CDC42BPA: variants seen among roughly 807,000 people sequenced by gnomAD.
CDC42BPA encodes CDC42 binding protein kinase alpha.
A neutral mutation model predicts 223.5 loss-of-function variants in CDC42BPA; 80 were observed. The ratio of observed to expected loss-of-function variants is 0.36; its 90% CI spans 0.30 to 0.43. CDC42BPA has a LOEUF of 0.43. Among genes scored for constraint, CDC42BPA ranks in the 20% least tolerant of loss-of-function variants. CDC42BPA has a pLI of 1.00. For missense variants in CDC42BPA, 1,743 were observed against 2,099.9 expected (o/e 0.83, Z 3.32); for synonymous variants, 694 against 718.6 (o/e 0.97, Z 0.55).
intron 2 of CDC42BPA, among the ~76,000 whole-genome samples, chr1:227,231,751 T>C (rs1253178774): frequency 6.6e-6 from 1 of 152,138 alleles, no homozygotes; most frequent in African/African-American, 2.4e-5. Context: ...TGAGCATTTT[T>C]TCATGTGTCT....
At chr1:227,120,551 T>G (rs570658861) in intron 11 of CDC42BPA, among the ~76,000 whole-genome samples, 10 of 152,344 alleles carry the variant, frequency 6.6e-5, no homozygotes, top group African/African-American at 2.4e-4. Context: ...CAGGAAATCT[T>G]GCACTGACTT....
At chr1:227,154,320 A>AAGCTAC (rs1662330423) in intron 6 of CDC42BPA, among the ~76,000 whole-genome samples, 1 of 151,960 alleles carries the variant, frequency 6.6e-6, no homozygotes, top group Non-Finnish European at 1.5e-5. Context: ...AATTAATTTG[A>AAGCTAC]AGCTACAGAA....
intron 15 of CDC42BPA, among the ~76,000 whole-genome samples, chr1:227,099,665 G>A (rs1684643496): frequency 6.6e-6 from 1 of 151,888 alleles, no homozygotes; most frequent in South Asian, 2.1e-4. Flanking sequence ...GAGCCACAAT[G>A]GCCTCCTCAC....
At chr1:227,047,594 G>GT (rs74577704) in intron 23 of CDC42BPA, among the ~76,000 whole-genome samples, 10,518 of 152,040 alleles carry the variant, frequency 0.069, 556 homozygotes, top group East Asian at 0.25. Context: ...TTCACTAAAC[G>GT]TTTTTCTTTC....
intron 1 of CDC42BPA, among the ~76,000 whole-genome samples, chr1:227,269,293 G>A (rs1174027347): frequency 7.2e-5 from 11 of 152,166 alleles, no homozygotes; most frequent in Admixed American, 6.5e-4. Flanking sequence ...CTCAGATATA[G>A]GTATTTTAAA....
At chr1:227,206,354 C>CA (rs3035398) in intron 3 of CDC42BPA, among the ~76,000 whole-genome samples, 7 of 151,498 alleles carry the variant, frequency 4.6e-5, no homozygotes, top group Non-Finnish European at 8.8e-5. Context: ...AATTATTGGA[C>CA]ATTATATTAT....
intron 23 of CDC42BPA, among the ~76,000 whole-genome samples, chr1:227,043,170 T>G (rs1671736789): frequency 6.6e-6 from 1 of 152,160 alleles, no homozygotes. Context: ...TCCCAAGCAC[T>G]TTGGGAGGCC....
At chr1:227,220,285 TATA>T (rs1675605296) in intron 2 of CDC42BPA, among the ~76,000 whole-genome samples, 2 of 57,594 alleles carry the variant, frequency 3.5e-5, no homozygotes, top group South Asian at 5.2e-4. Flanking sequence ...AGTCATGTTA[TATA>T]TATATATATA....
intron 11 of CDC42BPA, among the ~76,000 whole-genome samples, chr1:227,122,355 G>A (rs1688800613): frequency 6.6e-6 from 1 of 152,060 alleles, no homozygotes; most frequent in Non-Finnish European, 1.5e-5. Context: ...TATTGTTACT[G>A]ACTTATTTCA....
At position 227,080,950 on chromosome 1, in the gene CDC42BPA, G is replaced by A. The variant is rs768116427; in HGVS notation, c.2423C>T (p.Ala808Val). The A allele has an allele frequency of 1.7e-5, 27 of 1,613,544 alleles. No homozygotes were observed. The East Asian group carries it at 6.0e-4, about 36-fold the overall frequency. ...ATGTGCAACTGATTCTTTCTTGTCT[G>A]CTAGATCTTTAACCTCTTCTTCTAA... ...QQLEEEVKDL[A>V]DKKESVAHWE... The change falls in exon 17 of 37, where the codon GCA becomes GTA. Residue 808 changes from alanine to valine, a missense_variant. Ala to Val is a moderately conservative substitution (Grantham distance 64). Transcript: ENST00000366766.
In CDC42BPA at chr1:227,029,179, C is replaced by T. The variant is rs1480848887; in HGVS notation, c.3910G>A (p.Val1304Met). 6.2e-7 allele frequency: 1 copy of T among 1,602,178 alleles called. No homozygotes were observed. Among genetic ancestry groups the T allele is most frequent in the Non-Finnish European group, 8.5e-7 (1 of 1,179,888 alleles). Reference sequence around the variant, plus strand: ...ACATGACGATTTCGTCCTGAGATCACAGCAACAAGCTGATCATTTGGAATG... The same window carrying T: ...ACATGACGATTTCGTCCTGAGATCATAGCAACAAGCTGATCATTTGGAATG... ...ELIPNDQLVA[V>M]ISGRNRHVRL... Residue 1304 changes from valine (V) to methionine (M), a missense_variant, in exon 30 of 37, where the codon GTG becomes ATG. By Grantham distance (21) the Val-to-Met change is conservative. Coordinates refer to ENST00000366766, the MANE Select transcript of CDC42BPA (RefSeq NM_001394014.1).
At chr1:227,181,277 C>A (rs1163272438) in intron 5 of CDC42BPA, among the ~76,000 whole-genome samples, 1 of 152,048 alleles carries the variant, frequency 6.6e-6, no homozygotes, top group Non-Finnish European at 1.5e-5. Flanking sequence ...AAAAAACCCA[C>A]CATTTTGTTA....
intron 6 of CDC42BPA, among the ~76,000 whole-genome samples, chr1:227,156,741 C>T (rs1662891887): frequency 6.6e-6 from 1 of 152,158 alleles, no homozygotes; most frequent in Non-Finnish European, 1.5e-5. Flanking sequence ...TTTAGAGAGG[C>T]AAACATCAGA....
At chr1:227,124,872 C>T (rs6684284) in intron 11 of CDC42BPA, among the ~76,000 whole-genome samples, 31,248 of 151,972 alleles carry the variant, frequency 0.21, 3,306 homozygotes, top group East Asian at 0.26. Context: ...AGATATATTT[C>T]CCATTCTTCC....
chr1:227,251,522 A>C (rs1219594890), intron 2 of CDC42BPA, among the ~76,000 whole-genome samples: 5 of 152,196 alleles, frequency 3.3e-5, no homozygotes, highest in Non-Finnish European at 7.4e-5. Context: ...TAGAAAGCTA[A>C]AACGAAAAGG....
chr1:227,235,703 T>C (rs1678883020), intron 2 of CDC42BPA, among the ~76,000 whole-genome samples: 2 of 152,192 alleles, frequency 1.3e-5, no homozygotes, highest in South Asian at 4.1e-4. Flanking sequence ...TTTAATTTCC[T>C]AATAAGGACT....
At chr1:227,004,289 C>T (rs1434114521) in intron 35 of CDC42BPA, 1 of 152,350 alleles carries the variant, frequency 6.6e-6, no homozygotes, top group Non-Finnish European at 1.5e-5. Context: ...TTCTCTCCTT[C>T]TGCCCCTGCT....
At chr1:227,263,325 A>G (rs1016019870) in intron 1 of CDC42BPA, among the ~76,000 whole-genome samples, 3 of 152,208 alleles carry the variant, frequency 2.0e-5, no homozygotes, top group Non-Finnish European at 4.4e-5. Context: ...AATTTTTTTA[A>G]TGGTTACACC....
chr1:226,992,401 A>G lies in CDC42BPA; in HGVS notation c.*1867T>C, dbSNP rs1480081627. The G allele has an allele frequency of 6.6e-6, 1 of 152,262 alleles. No individual in the cohort carries two copies. The highest frequency in any genetic ancestry group is 2.4e-5 in the African/African-American group (1 of 41,456). The allele number at this position is 152,262 out of a possible 1,614,324, so 9.4% of individuals were successfully genotyped here. A position where few individuals can be genotyped will look rare whatever the true frequency, so the allele number is the denominator to read the frequency against. On this transcript the variant is annotated 3_prime_UTR_variant, in exon 37 of 37. Coordinates refer to ENST00000366766, the MANE Select transcript of CDC42BPA (RefSeq NM_001394014.1). ...AAAATTCCCGATTATAGGTGCTTACAATGGAATCCCCAGCAGGATCCTTTC... is the reference window on the plus strand; with the variant it reads ...AAAATTCCCGATTATAGGTGCTTACGATGGAATCCCCAGCAGGATCCTTTC...
Sources: allele counts gnomAD v4.1 joint callset (sites outside exome capture counted in the v4.1 genomes callset), GRCh38; gene constraint gnomAD v4.1.1; transcripts MANE v1.5; gene names NCBI Gene and HGNC (gene_info 2026-07-23, HGNC 2026-07-21).